COL25A1: variants seen among roughly 807,000 people sequenced by gnomAD.
COL25A1 encodes the protein collagen type XXV alpha 1 chain, also known as collagen alpha-1(XXV) chain.
COL25A1 carries 103 observed loss-of-function variants against 128.4 expected under a neutral mutation model. The observed-to-expected ratio is 0.80, with a 90% CI of 0.68 to 0.94. The LOEUF is 0.94. Among genes scored for constraint, COL25A1 ranks in the 40% least tolerant of loss-of-function variants. The pLI, the probability that COL25A1 is intolerant of heterozygous loss-of-function variation, is 0.00. For synonymous variants in COL25A1, 279 were observed against 277.2 expected, an observed-to-expected ratio of 1.01 and a Z score of -0.06; for missense variants, 745 against 840.0, an observed-to-expected ratio of 0.89 and a Z score of 1.40.
At chr4:108,863,461 T>C in intron 20 of COL25A1, 74 bp from the exon 21 acceptor site, 2 of 1,274,024 alleles carry the variant, frequency 1.6e-6, no homozygotes, top group Non-Finnish European at 1.1e-6. Flanking sequence ...AATAAATGAG[T>C]TGAAGGAAAC....
intron 3 of COL25A1, among the ~76,000 whole-genome samples, chr4:109,235,114 G>A (rs182650164): frequency 9.9e-5 from 15 of 152,210 alleles, no homozygotes; most frequent in Admixed American, 3.3e-4. Context: ...ACTTGTCACA[G>A]TTTGACCTGT....
At chr4:108,908,447 C>G (rs1317229873) in intron 13 of COL25A1, among the ~76,000 whole-genome samples, 1 of 152,152 alleles carries the variant, frequency 6.6e-6, no homozygotes, top group East Asian at 1.9e-4. Context: ...ATCCCCAATC[C>G]CTGATTCTTT....
At position 108,813,457 on chromosome 4, in the gene COL25A1, G is replaced by A. The variant is rs1357192460; in HGVS notation, c.*470C>T. On this transcript the variant is annotated 3_prime_UTR_variant, in exon 38 of 38. Transcript: ENST00000399132. ...GCTTTTTTAGTTAGTTTCAATGGGT[G>A]GTGTAGGTATGAGTCAACGCCGACA... The A allele has an allele frequency of 6.5e-6, 1 of 154,250 alleles. No homozygotes were observed. Among genetic ancestry groups the A allele is most frequent in the Non-Finnish European group, 1.4e-5 (1 of 69,410 alleles). The allele number at this position is 154,250 out of a possible 1,614,324, so 9.6% of individuals were successfully genotyped here. A position where few individuals can be genotyped will look rare whatever the true frequency, so the allele number is the denominator to read the frequency against.
At chr4:108,932,727 T>G (rs566064763) in intron 11 of COL25A1, among the ~76,000 whole-genome samples, 1 of 152,322 alleles carries the variant, frequency 6.6e-6, no homozygotes, top group South Asian at 2.1e-4. Flanking sequence ...TGAAAATTTC[T>G]GCATCTGTCA....
intron 8 of COL25A1, among the ~76,000 whole-genome samples, chr4:108,961,466 G>A (rs1447128283): frequency 3.9e-5 from 6 of 152,102 alleles, no homozygotes; most frequent in Non-Finnish European, 7.3e-5. Context: ...AATCCAAAAC[G>A]TATTATTTTG....
intron 6 of COL25A1, among the ~76,000 whole-genome samples, chr4:108,994,604 G>C (rs1347616788): frequency 2.6e-5 from 4 of 152,214 alleles, no homozygotes; most frequent in African/African-American, 9.6e-5. Context: ...GCTCTGAAGA[G>C]AGCAGTGGTT....
intron 3 of COL25A1, among the ~76,000 whole-genome samples, chr4:109,299,181 C>G (rs908138770): frequency 5.3e-5 from 8 of 152,146 alleles, no homozygotes; most frequent in Non-Finnish European, 1.2e-4. Flanking sequence ...AAATGCTGGA[C>G]TCTACGTGGT....
intron 6 of COL25A1, among the ~76,000 whole-genome samples, chr4:108,998,695 T>C (rs1162365092): frequency 6.6e-6 from 1 of 152,104 alleles, no homozygotes; most frequent in African/African-American, 2.4e-5. Context: ...GGAGGCAACA[T>C]GCTACCTGAC....
chr4:109,275,642 T>C (rs1456595852), intron 3 of COL25A1, among the ~76,000 whole-genome samples: 3 of 152,204 alleles, frequency 2.0e-5, no homozygotes, highest in African/African-American at 4.8e-5. Flanking sequence ...CAACAAGCAT[T>C]CTCTCAAAGA....
At chr4:108,889,897 T>TCTA (rs1323128826) in intron 16 of COL25A1, among the ~76,000 whole-genome samples, 164 bp from the exon 17 acceptor site, 1 of 152,148 alleles carries the variant, frequency 6.6e-6, no homozygotes, top group African/African-American at 2.4e-5. Context: ...GCTGTTAAGA[T>TCTA]CTACGTTCCA....
chr4:109,213,231 GTATC>G (rs895113115), intron 3 of COL25A1, among the ~76,000 whole-genome samples: 4 of 152,152 alleles, frequency 2.6e-5, no homozygotes, highest in South Asian at 2.1e-4. Context: ...AAGTGCCTGA[GTATC>G]TATATTTTTA....
Position 108,827,189 on chromosome 4 carries a change from C to T in COL25A1, c.1711-1G>A. On this transcript the variant is annotated splice_acceptor_variant, in intron 32 of 37. Coordinates refer to ENST00000399132, the MANE Select transcript of COL25A1 (RefSeq NM_198721.4). LOFTEE classifies it high-confidence loss of function. ...GCTCTCCCATAGCTCCTTTTTCACCCTAAAATGAAAAGTAGAAAGTTCAAA... is the reference window on the plus strand; with the variant it reads ...GCTCTCCCATAGCTCCTTTTTCACCTTAAAATGAAAAGTAGAAAGTTCAAA... 1 of 1,613,762 alleles carries T rather than the reference C, an allele frequency of 6.2e-7. No individual in the cohort carries two copies. Among genetic ancestry groups the T allele is most frequent in the Non-Finnish European group, 8.5e-7 (1 of 1,179,798 alleles).
chr4:109,248,284 A>C (rs1178949489), intron 3 of COL25A1, among the ~76,000 whole-genome samples: 1 of 152,134 alleles, frequency 6.6e-6, no homozygotes, highest in Non-Finnish European at 1.5e-5. Flanking sequence ...TTAGACTCTC[A>C]AACTTTTCAT....
chr4:109,006,178 A>T (rs1755948817), intron 6 of COL25A1, among the ~76,000 whole-genome samples: 1 of 151,714 alleles, frequency 6.6e-6, no homozygotes, highest in Non-Finnish European at 1.5e-5. Flanking sequence ...AAATAAAAGA[A>T]AGCTTTCAAC....
At chr4:108,946,234 T>C (rs1252683094) in intron 8 of COL25A1, among the ~76,000 whole-genome samples, 2 of 152,164 alleles carry the variant, frequency 1.3e-5, no homozygotes, top group Admixed American at 6.5e-5. Context: ...CAAAGGGATA[T>C]TGAACAAATA....
intron 31 of COL25A1, among the ~76,000 whole-genome samples, chr4:108,835,707 A>T (rs1733700704): frequency 6.6e-6 from 1 of 151,658 alleles, no homozygotes; most frequent in Non-Finnish European, 1.5e-5. Flanking sequence ...GGCATGCGCC[A>T]TCGCACCCGG....
rs149499094 is a variant in COL25A1 at position 108,817,633 on chromosome 4, G to A, written c.1924-198C>T. Among the ~76,000 whole-genome samples, 1,411 of 152,258 alleles carry A rather than the reference G, an allele frequency of 9.3e-3. 28 individuals are homozygous for A. The highest frequency in any genetic ancestry group is 0.031 in the African/African-American group (1,293 of 41,556). ...AGAAAATTCAAATGTTTTCCAGAGT[G>A]AGTACACATTTTGAAAACACATGAA... On this transcript the variant is annotated intron_variant, in intron 36 of 37. Transcript: ENST00000399132.
chr4:108,835,682 G>C (rs549386147), intron 31 of COL25A1, among the ~76,000 whole-genome samples: 1 of 151,846 alleles, frequency 6.6e-6, no homozygotes, highest in East Asian at 1.9e-4. Flanking sequence ...AGCCTCCCGA[G>C]TAGCTGGGAT....
At chr4:109,289,859 T>C (rs557341328) in intron 3 of COL25A1, among the ~76,000 whole-genome samples, 1 of 151,588 alleles carries the variant, frequency 6.6e-6, no homozygotes, top group Non-Finnish European at 1.5e-5. Context: ...GCTTGTTGAT[T>C]AAGGGCCTGT....
Sources: allele counts gnomAD v4.1 joint callset (sites outside exome capture counted in the v4.1 genomes callset), GRCh38; gene constraint gnomAD v4.1.1; transcripts MANE v1.5; gene names NCBI Gene and HGNC (gene_info 2026-07-23, HGNC 2026-07-21).